DNA2: variants seen among roughly 807,000 people sequenced by gnomAD.
DNA2 encodes the protein DNA replication ATP-dependent helicase/nuclease DNA2.
DNA2 carries 101 observed loss-of-function variants against 119.1 expected under a neutral mutation model. The ratio of observed to expected loss-of-function variants is 0.85; its 90% CI spans 0.72 to 1.00. The LOEUF (loss-of-function observed/expected upper bound fraction) is 1.00. Among genes scored for constraint, DNA2 ranks in the 50% least tolerant of loss-of-function variants. DNA2 has a pLI of 0.00. For synonymous variants in DNA2, 366 were observed against 424.4 expected (o/e 0.86, Z 1.69); for missense variants, 1,121 against 1,255.5 (o/e 0.89, Z 1.62).
In DNA2 at chr10:68,470,066, T is replaced by C. The variant is rs746477957; in HGVS notation, c.172A>G (p.Lys58Glu). 4 of 1,613,822 alleles carry C rather than the reference T, an allele frequency of 2.5e-6. No homozygotes were observed. In the African/African-American group the frequency reaches 4.0e-5, roughly 16 times the overall value. ...LVLAVNTVQNKEGNCEKRLVI... is the reference protein window; with the variant it reads ...LVLAVNTVQNEEGNCEKRLVI... Reference sequence around the variant, plus strand: ...AGGCGCTTTTCACAGTTTCCCTCTTTGTTCTGTACAGTATTGACTGCCAAC... The same window carrying C: ...AGGCGCTTTTCACAGTTTCCCTCTTCGTTCTGTACAGTATTGACTGCCAAC... The change falls in exon 2 of 21, where the codon AAA becomes GAA. Residue 58 changes from lysine (K) to glutamate (E), a missense_variant. Transcript: ENST00000358410.
chr10:68,416,434 G>A (rs1029403658), intron 20 of DNA2, among the ~76,000 whole-genome samples: 2 of 152,104 alleles, frequency 1.3e-5, no homozygotes, highest in Non-Finnish European at 2.9e-5. Flanking sequence ...TCACTGCACT[G>A]CAGCCTGGGT....
At chr10:68,460,078 A>C (rs1441090216) in intron 4 of DNA2, among the ~76,000 whole-genome samples, 1 of 147,370 alleles carries the variant, frequency 6.8e-6, no homozygotes, top group Non-Finnish European at 1.5e-5. Context: ...TTAACATGGT[A>C]ATTTTTTTTC....
intron 14 of DNA2, among the ~76,000 whole-genome samples, chr10:68,429,175 G>C (rs1369648938): frequency 6.8e-6 from 1 of 146,394 alleles, no homozygotes; most frequent in Non-Finnish European, 1.5e-5. Context: ...ATTTTTTAAA[G>C]ACAAAAATAT....
chr10:68,427,118 C>T (rs1398126801), intron 14 of DNA2, among the ~76,000 whole-genome samples: 1 of 152,002 alleles, frequency 6.6e-6, no homozygotes, highest in Non-Finnish European at 1.5e-5. Context: ...CCTGTAATCC[C>T]AGCACTTTGG....
In DNA2 at chr10:68,425,860, C is replaced by T. The variant is rs539812275; in HGVS notation, c.2209-2970G>A. Reference sequence around the variant, plus strand: ...CCCAAAAAACAAATACCAGGCCAGGCGCTGTGTCTCACACCTGTAATACCA... The same window carrying T: ...CCCAAAAAACAAATACCAGGCCAGGTGCTGTGTCTCACACCTGTAATACCA... On this transcript the variant is annotated intron_variant, in intron 14 of 20. Coordinates refer to ENST00000358410, the MANE Select transcript of DNA2 (RefSeq NM_001080449.3). 3.2e-3 allele frequency among the ~76,000 whole-genome samples: 489 copies of T among 151,500 alleles called. 2 individuals are homozygous for T. Among genetic ancestry groups the T allele is most frequent in the African/African-American group, 0.01 (427 of 41,332 alleles).
At chr10:68,434,352 T>C (rs531416243) in intron 10 of DNA2, among the ~76,000 whole-genome samples, 21 of 151,894 alleles carry the variant, frequency 1.4e-4, no homozygotes, top group Non-Finnish European at 2.2e-4. Context: ...TGAACACATA[T>C]CAGATTGAAA....
chr10:68,435,548 C>T (rs148014078), intron 10 of DNA2, among the ~76,000 whole-genome samples: 3,838 of 152,068 alleles, frequency 0.025, 157 homozygotes, highest in African/African-American at 0.087. Context: ...CCTCTGCCTC[C>T]GGGTTCAAGC....
chr10:68,439,705 C>T (rs140234622), intron 9 of DNA2, among the ~76,000 whole-genome samples: 3,825 of 151,232 alleles, frequency 0.025, 158 homozygotes, highest in African/African-American at 0.088. Flanking sequence ...GGCGTGGTGG[C>T]CCATGCCTGT....
At position 68,422,594 on chromosome 10, in the gene DNA2, T is replaced by C; in HGVS notation, c.2413A>G (p.Met805Val). ...AGCCTCTTGAATAAGCTTTCACTCA[T>C]GCCAAGAGCTCTGTCAATAAATCAG... ...VLNREARALG[M>V]SESLFKRLEQ... The change falls in exon 16 of 21, where the codon ATG (methionine) becomes GTG (valine). Residue 805 changes from methionine (M) to valine (V), a missense_variant. Met to Val is a conservative substitution (Grantham distance 21). Coordinates refer to ENST00000358410, the MANE Select transcript of DNA2 (RefSeq NM_001080449.3). 1 of 1,613,996 alleles carries C rather than the reference T, an allele frequency of 6.2e-7. No individual in the cohort carries two copies. Among genetic ancestry groups the C allele is most frequent in the Admixed American group, 1.7e-5 (1 of 60,018 alleles).
chr10:68,469,931 G>C lies in DNA2; in HGVS notation c.257+50C>G, dbSNP rs148540786. The C allele has an allele frequency of 4.0e-3, 6,050 of 1,521,160 alleles. 22 individuals carry two copies. Among genetic ancestry groups the C allele is most frequent in the Middle Eastern group, 0.013 (74 of 5,662 alleles). The allele number at this position is 1,521,160 out of a possible 1,614,324, so 94.2% of individuals were successfully genotyped here. On this transcript the variant is annotated intron_variant, in intron 2 of 20. Coordinates refer to ENST00000358410, the MANE Select transcript of DNA2 (RefSeq NM_001080449.3). The stretch of plus-strand genomic sequence containing the variant: ...ACAGAAGCCATTTGATGAGTTTTAC[G>C]ACAGTACCCTTAAGATTCAAATCGG...
chr10:68,458,252 C>A (rs912994392), intron 5 of DNA2, among the ~76,000 whole-genome samples: 3 of 151,956 alleles, frequency 2.0e-5, no homozygotes, highest in Non-Finnish European at 2.9e-5. Context: ...AAAATACAGA[C>A]CAGGCATAGT....
chr10:68,422,822 AC>A lies in DNA2; in HGVS notation c.2276del (p.Cys759LeufsTer26). 1 of 1,608,834 alleles carries A rather than the reference AC, an allele frequency of 6.2e-7. No homozygotes were observed. Among genetic ancestry groups the A allele is most frequent in the South Asian group, 1.1e-5 (1 of 89,536 alleles). On this transcript the variant is annotated frameshift_variant, in exon 15 of 21. Coordinates refer to ENST00000358410, the MANE Select transcript of DNA2 (RefSeq NM_001080449.3). LOFTEE classifies it high-confidence loss of function. ...PIFSRKIFDF[C>X]IVDEASQISQ... Reference sequence around the variant, plus strand: ...TAATTTGAGAGGCTTCATCCACAATACAAAAATCAAAAATTTTACGGGAAAA... The same window carrying A: ...TAATTTGAGAGGCTTCATCCACAATAAAAAATCAAAAATTTTACGGGAAAA...
intron 9 of DNA2, among the ~76,000 whole-genome samples, chr10:68,441,443 G>C (rs1564886638): frequency 6.6e-6 from 1 of 151,104 alleles, no homozygotes; most frequent in Non-Finnish European, 1.5e-5. Flanking sequence ...TAGAAAATTT[G>C]CATCTGTATC....
Position 68,429,333 on chromosome 10 carries a change from T to C in DNA2, c.2208+1103A>G, listed in dbSNP as rs554355233. On this transcript the variant is annotated intron_variant, in intron 14 of 20. Transcript: ENST00000358410. ...GCCGAGGCAGGAGGATAACCTGAGG[T>C]TGGGAGTGCGAGACCAGCCTGACCA... 3.8e-3 allele frequency among the ~76,000 whole-genome samples: 570 copies of C among 150,950 alleles called. 8 individuals are homozygous for C. The highest frequency in any genetic ancestry group is 0.013 in the African/African-American group (545 of 41,064).
intron 9 of DNA2, among the ~76,000 whole-genome samples, chr10:68,440,546 C>T (rs573655218): frequency 7.3e-4 from 111 of 152,108 alleles, no homozygotes; most frequent in African/African-American, 2.6e-3. Context: ...ATCCACCCTC[C>T]TTGGCCTCCC....
chr10:68,462,285 T>C (rs987980016), intron 4 of DNA2, among the ~76,000 whole-genome samples: 5 of 151,976 alleles, frequency 3.3e-5, no homozygotes, highest in African/African-American at 9.7e-5. Flanking sequence ...GGCAGGAGAA[T>C]TGATTGACCC....
rs1285121633 is a variant in DNA2, at chr10:68,431,879, T to C, written c.1966A>G (p.Thr656Ala). Residue 656 changes from threonine to alanine, a missense_variant, in exon 13 of 21, where the codon ACT becomes GCT. By Grantham distance (58) the Thr-to-Ala change is moderately conservative. Coordinates refer to ENST00000358410, the MANE Select transcript of DNA2 (RefSeq NM_001080449.3). ...AACCTTACGAGAGTACATATCGTAG[T>C]TGTTTTTCCTGTCCCAGGCATACCC... The part of the protein sequence containing the change: ...IVGMPGTGKT[T>A]TICTLVRILY... 1 of 1,611,502 alleles carries C rather than the reference T, an allele frequency of 6.2e-7. No homozygotes were observed. The highest frequency in any genetic ancestry group is 1.7e-5 in the Admixed American group (1 of 59,816).
chr10:68,427,432 G>A (rs2051756807), intron 14 of DNA2, among the ~76,000 whole-genome samples: 1 of 151,980 alleles, frequency 6.6e-6, no homozygotes, highest in Admixed American at 6.6e-5. Context: ...GGCAGACAGA[G>A]GTGGGAGGAT....
chr10:68,419,302 G>A, intron 18 of DNA2, 89 bp from the exon 19 acceptor site: 3 of 1,020,768 alleles, frequency 2.9e-6, no homozygotes, highest in Non-Finnish European at 4.0e-6. Flanking sequence ...TACATTATGT[G>A]CCCAACTGAT....
Sources: gnomAD v4.1 joint callset for allele counts (sites outside exome capture counted in the v4.1 genomes callset) on GRCh38, gnomAD v4.1.1 for gene constraint, MANE v1.5 for transcripts, NCBI Gene and HGNC (gene_info 2026-07-23, HGNC 2026-07-21) for gene names.